Variants in SLC35D4 observed in about 807,000 individuals in gnomAD.
SLC35D4 encodes the protein solute carrier family 35 member D4, also known as UDP-N-acetylglucosamine transporter SLC35D4.
chr18:23,270,864 C>T, the SLC35D4 span, among the ~76,000 whole-genome samples: 2 of 152,190 alleles, frequency 1.3e-5, no homozygotes, highest in African/African-American at 4.8e-5. Context: ...AAGGGATTTG[C>T]CTTATCTCAG....
the SLC35D4 span, among the ~76,000 whole-genome samples, chr18:23,397,458 G>A: frequency 6.6e-6 from 1 of 152,168 alleles, no homozygotes; most frequent in Non-Finnish European, 1.5e-5. Context: ...ATAGGGGTGG[G>A]CTGGATGTGA....
At chr18:23,253,842 A>G in the SLC35D4 span, 3 of 1,614,254 alleles carry the variant, frequency 1.9e-6, no homozygotes, top group East Asian at 2.2e-5. Context: ...AAACTCAACA[A>G]ACAGAACCGG....
the SLC35D4 span, among the ~76,000 whole-genome samples, chr18:23,426,327 A>G: frequency 6.6e-6 from 1 of 152,210 alleles, no homozygotes; most frequent in African/African-American, 2.4e-5. Context: ...CAACAGGTTG[A>G]GCTCCTTAAA....
At chr18:23,280,017 T>G in the SLC35D4 span, among the ~76,000 whole-genome samples, 2 of 152,230 alleles carry the variant, frequency 1.3e-5, no homozygotes, top group African/African-American at 2.4e-5. Context: ...TTTCTGTTGT[T>G]GAAGCTACCA....
At chr18:23,401,417 C>T in the SLC35D4 span, among the ~76,000 whole-genome samples, 1 of 152,282 alleles carries the variant, frequency 6.6e-6, no homozygotes, top group Admixed American at 6.5e-5. Flanking sequence ...TTACACTAGT[C>T]GTGCTGTAAT....
chr18:23,394,017 T>C, the SLC35D4 span, among the ~76,000 whole-genome samples: 1 of 152,256 alleles, frequency 6.6e-6, no homozygotes, highest in South Asian at 2.1e-4. Context: ...CAAATGAATA[T>C]GGATGCACAA....
At chr18:23,244,637 C>A in the SLC35D4 span, among the ~76,000 whole-genome samples, 1 of 152,240 alleles carries the variant, frequency 6.6e-6, no homozygotes, top group Non-Finnish European at 1.5e-5. Context: ...AGCCCGAATG[C>A]CGGTATACAA....
At chr18:23,366,367 T>C in the SLC35D4 span, among the ~76,000 whole-genome samples, 7 of 152,116 alleles carry the variant, frequency 4.6e-5, no homozygotes, top group East Asian at 5.8e-4. Context: ...CTCTGCAACC[T>C]CTTCTATCAA....
chr18:23,307,143 C>T, the SLC35D4 span, among the ~76,000 whole-genome samples: 1 of 152,234 alleles, frequency 6.6e-6, no homozygotes, highest in Non-Finnish European at 1.5e-5. Flanking sequence ...TTCAACCGAA[C>T]CGTAGTGACG....
At chr18:23,275,938 C>T in the SLC35D4 span, among the ~76,000 whole-genome samples, 4 of 152,034 alleles carry the variant, frequency 2.6e-5, no homozygotes, top group Admixed American at 1.3e-4. Context: ...CCAGGGACAG[C>T]GAAGGAAGGA....
chr18:23,239,633 A>G, the SLC35D4 span, among the ~76,000 whole-genome samples: 2 of 152,196 alleles, frequency 1.3e-5, no homozygotes, highest in African/African-American at 2.4e-5. Context: ...GTTGGGGAAC[A>G]GGTATAGAAT....
the SLC35D4 span, among the ~76,000 whole-genome samples, chr18:23,305,782 T>C: frequency 6.6e-6 from 1 of 152,240 alleles, no homozygotes; most frequent in Non-Finnish European, 1.5e-5. Context: ...CATTCATTTC[T>C]GTCCATCTAG....
the SLC35D4 span, among the ~76,000 whole-genome samples, chr18:23,316,627 AT>A: frequency 6.6e-6 from 1 of 151,572 alleles, no homozygotes; most frequent in African/African-American, 2.4e-5. Flanking sequence ...AACATTTATT[AT>A]AAGCACAATG....
chr18:23,376,085 T>C, the SLC35D4 span, among the ~76,000 whole-genome samples: 7 of 152,180 alleles, frequency 4.6e-5, no homozygotes, highest in Non-Finnish European at 1.0e-4. Flanking sequence ...CAGCAAAGGA[T>C]CAAAGGCGTG....
At chr18:23,324,781 C>T in the SLC35D4 span, among the ~76,000 whole-genome samples, 7 of 152,118 alleles carry the variant, frequency 4.6e-5, no homozygotes, top group African/African-American at 7.2e-5. Context: ...ACAGCATGAA[C>T]GAGCCCAGCA....
the SLC35D4 span, among the ~76,000 whole-genome samples, chr18:23,414,565 CG>C: frequency 6.6e-6 from 1 of 151,236 alleles, no homozygotes; most frequent in Non-Finnish European, 1.5e-5. Flanking sequence ...CCCAGCTTCC[CG>C]GGGGGCTGAG....
chr18:23,343,810 G>A, the SLC35D4 span, among the ~76,000 whole-genome samples: 1 of 151,888 alleles, frequency 6.6e-6, no homozygotes, highest in African/African-American at 2.4e-5. Context: ...GTGAGAACAT[G>A]CGATATTTGG....
At chr18:23,354,390 G>A in the SLC35D4 span, among the ~76,000 whole-genome samples, 32 of 150,724 alleles carry the variant, frequency 2.1e-4, no homozygotes, top group Non-Finnish European at 3.1e-4. Flanking sequence ...ATGTGGTGGC[G>A]GGCACCTGTA....
At chr18:23,353,900 T>C in the SLC35D4 span, among the ~76,000 whole-genome samples, 20 of 152,186 alleles carry the variant, frequency 1.3e-4, no homozygotes, top group Admixed American at 1.3e-3. Context: ...CCTATCTTAA[T>C]GGAAACCAGA....
Sources: gnomAD v4.1 joint callset for allele counts (sites outside exome capture counted in the v4.1 genomes callset) on GRCh38, gnomAD v4.1.1 for gene constraint, MANE v1.5 for transcripts, NCBI Gene and HGNC (gene_info 2026-07-23, HGNC 2026-07-21) for gene names.